Variants in EXOC4 observed in about 807,000 individuals in gnomAD.
The protein encoded by EXOC4 is exocyst complex component 4.
Under a neutral mutation model 107.2 loss-of-function variants are expected in EXOC4, and 71 were observed. That is an observed-to-expected ratio of 0.66 (90% CI 0.55 to 0.81). The LOEUF (loss-of-function observed/expected upper bound fraction) is 0.81. EXOC4 is among the 30% of genes least tolerant of loss of function. The pLI is 0.00. For synonymous variants in EXOC4, 456 were observed against 441.2 expected (o/e 1.03, Z -0.42); for missense variants, 1,108 against 1,189.6 (o/e 0.93, Z 1.01).
chr7:133,749,087 A>G (rs1373457297), intron 10 of EXOC4, among the ~76,000 whole-genome samples: 1 of 152,202 alleles, frequency 6.6e-6, no homozygotes, highest in Non-Finnish European at 1.5e-5. Context: ...GTTTTCATAC[A>G]TGAGAGATAA....
At chr7:133,352,384 A>G (rs1001925998) in intron 5 of EXOC4, among the ~76,000 whole-genome samples, 1 of 151,906 alleles carries the variant, frequency 6.6e-6, no homozygotes, top group African/African-American at 2.4e-5. Context: ...ATATCTTCTT[A>G]CTGTGTTGAG....
At chr7:133,354,735 A>C (rs1795986901) in intron 5 of EXOC4, among the ~76,000 whole-genome samples, 1 of 152,116 alleles carries the variant, frequency 6.6e-6, no homozygotes, top group South Asian at 2.1e-4. Context: ...TCTTCCCACC[A>C]GGTGTGTGCA....
intron 11 of EXOC4, among the ~76,000 whole-genome samples, chr7:133,884,242 G>C (rs990228111): frequency 6.6e-6 from 1 of 152,158 alleles, no homozygotes; most frequent in Non-Finnish European, 1.5e-5. Flanking sequence ...TTACATACAG[G>C]GGAGAGAGTC....
At chr7:133,635,107 C>T (rs1001901261) in intron 10 of EXOC4, among the ~76,000 whole-genome samples, 34 of 152,020 alleles carry the variant, frequency 2.2e-4, no homozygotes, top group African/African-American at 8.2e-4. Context: ...GTAGTTCTGA[C>T]ATGGATTTAG....
At chr7:133,784,329 A>G (rs1253349516) in intron 10 of EXOC4, among the ~76,000 whole-genome samples, 2 of 152,232 alleles carry the variant, frequency 1.3e-5, no homozygotes, top group Non-Finnish European at 2.9e-5. Flanking sequence ...TCTAATTGAG[A>G]AAATACACCT....
intron 10 of EXOC4, among the ~76,000 whole-genome samples, chr7:133,659,257 C>T (rs4731974): frequency 0.43 from 64,840 of 151,600 alleles, 14,796 homozygotes; most frequent in Admixed American, 0.57. Flanking sequence ...GTAGTAGTGG[C>T]AGCACCACCA....
intron 10 of EXOC4, among the ~76,000 whole-genome samples, chr7:133,695,117 CG>C (rs1794504641): frequency 6.6e-6 from 1 of 152,126 alleles, no homozygotes; most frequent in Non-Finnish European, 1.5e-5. Context: ...CCACTGCGCC[CG>C]GCCCCCACTA....
intron 6 of EXOC4, among the ~76,000 whole-genome samples, chr7:133,360,845 A>G (rs1255409710): frequency 6.6e-6 from 1 of 152,218 alleles, no homozygotes; most frequent in Non-Finnish European, 1.5e-5. Flanking sequence ...GGGGGTATGA[A>G]TGTTCATAAA....
Position 134,019,506 on chromosome 7 carries a change from A to G in EXOC4, c.2687+11671A>G, listed in dbSNP as rs574155817. ...TACTGTTATATAATGATCTCAGCAC[A>G]TGACATGAACGTTAGTAAATGCTTT... On this transcript the variant is annotated intron_variant, in intron 17 of 17. Transcript: ENST00000253861. Among the ~76,000 whole-genome samples the G allele has an allele frequency of 2.6e-5, 4 of 152,292 alleles. No homozygotes were observed. The East Asian group carries it at 5.8e-4, about 22-fold the overall frequency.
At chr7:133,273,299 T>C (rs529444693) in intron 1 of EXOC4, among the ~76,000 whole-genome samples, 14 of 152,252 alleles carry the variant, frequency 9.2e-5, no homozygotes, top group Non-Finnish European at 1.9e-4. Context: ...TTCGTTTACA[T>C]TCTCCACTCT....
intron 12 of EXOC4, among the ~76,000 whole-genome samples, chr7:133,898,767 A>G (rs113628962): frequency 0.02 from 2,468 of 126,488 alleles, 105 homozygotes; most frequent in African/African-American, 0.074. Flanking sequence ...AAAAAAAAAA[A>G]AAGAGTTCGA....
At chr7:133,594,850 A>G (rs1189914404) in intron 9 of EXOC4, among the ~76,000 whole-genome samples, 9 of 152,196 alleles carry the variant, frequency 5.9e-5, no homozygotes, top group Non-Finnish European at 1.3e-4. Context: ...AAAAAAGTAA[A>G]AAATAAATTA....
rs758691055 is a variant in EXOC4 at position 133,253,101 on chromosome 7, G to T, written c.-1G>T. On this transcript the variant is annotated 5_prime_UTR_variant, in exon 1 of 18. Transcript: ENST00000253861. Reference sequence around the variant, plus strand: ...GCCTAGCGGCTCTCCCCGCGTCCAAGATGGCGGCAGAAGCAGCTGGTGGGA... The same window carrying T: ...GCCTAGCGGCTCTCCCCGCGTCCAATATGGCGGCAGAAGCAGCTGGTGGGA... 6.2e-7 allele frequency: 1 copy of T among 1,614,150 alleles called. No homozygotes were observed. The highest frequency in any genetic ancestry group is 1.7e-5 in the Admixed American group (1 of 60,024).
At chr7:133,343,740 C>T (rs1795720218) in intron 5 of EXOC4, among the ~76,000 whole-genome samples, 1 of 151,664 alleles carries the variant, frequency 6.6e-6, no homozygotes, top group Non-Finnish European at 1.5e-5. Context: ...ATTTTATTCT[C>T]TATTTTGGTG....
chr7:134,076,322 C>T, the EXOC4 span, among the ~76,000 whole-genome samples: 1 of 152,084 alleles, frequency 6.6e-6, no homozygotes, highest in African/African-American at 2.4e-5. Context: ...TCAAGACCAT[C>T]CTGGCTAACA....
At chr7:133,855,645 T>C (rs1419906113) in intron 11 of EXOC4, among the ~76,000 whole-genome samples, 2 of 152,188 alleles carry the variant, frequency 1.3e-5, no homozygotes, top group African/African-American at 4.8e-5. Context: ...ACATAGTGTG[T>C]ACCTTTCTCT....
intron 7 of EXOC4, among the ~76,000 whole-genome samples, chr7:133,412,543 G>C (rs1797385694): frequency 6.6e-6 from 1 of 152,026 alleles, no homozygotes; most frequent in South Asian, 2.1e-4. Flanking sequence ...AAACCGCCAT[G>C]AAAAATCAAA....
chr7:133,570,771 AC>A (rs1189235654), intron 9 of EXOC4, among the ~76,000 whole-genome samples: 1 of 152,154 alleles, frequency 6.6e-6, no homozygotes, highest in Admixed American at 6.5e-5. Context: ...GACTCACTCT[AC>A]CTAGAGGTTT....
the EXOC4 span, among the ~76,000 whole-genome samples, chr7:134,082,683 C>T: frequency 6.6e-6 from 1 of 152,212 alleles, no homozygotes. Flanking sequence ...TCATGATCCA[C>T]CTGCCTTGGC....
Sources: allele counts gnomAD v4.1 joint callset (sites outside exome capture counted in the v4.1 genomes callset), GRCh38; gene constraint gnomAD v4.1.1; transcripts MANE v1.5; gene names NCBI Gene and HGNC (gene_info 2026-07-23, HGNC 2026-07-21).